The following ZFAT variants were observed in gnomAD, a reference collection of about 807,000 sequenced individuals.
The protein encoded by ZFAT is zinc finger protein ZFAT.
ZFAT carries 64 observed loss-of-function variants against 117.7 expected under a neutral mutation model. The ratio of observed to expected loss-of-function variants is 0.54; its 90% CI spans 0.44 to 0.67. ZFAT has a LOEUF of 0.67. ZFAT is among the 30% of genes least tolerant of loss of function. ZFAT has a pLI of 0.00. For missense variants in ZFAT, 1,433 were observed against 1,584.5 expected (o/e 0.90, Z 1.62); for synonymous variants, 679 against 615.0 (o/e 1.10, Z -1.54).
Position 134,669,614 on chromosome 8 carries a change from G to T in ZFAT, c.20-11877C>A, listed in dbSNP as rs561166560. ...CCTCCTGAAGGAAGCACTAAACATA[G>T]AAAGGAACAACCGGTACCAGCCACT... On this transcript the variant is annotated intron_variant, in intron 1 of 15. Transcript: ENST00000377838. Among the ~76,000 whole-genome samples the T allele has an allele frequency of 2.8e-3, 426 of 152,258 alleles. 2 individuals are homozygous for T. The highest frequency in any genetic ancestry group is 9.8e-3 in the African/African-American group (406 of 41,542).
At chr8:134,623,172 T>A (rs1829251592) in intron 3 of ZFAT, among the ~76,000 whole-genome samples, 1 of 152,070 alleles carries the variant, frequency 6.6e-6, no homozygotes, top group Non-Finnish European at 1.5e-5. Context: ...CCGGCTCAAG[T>A]CAGCAACGAG....
the ZFAT span, among the ~76,000 whole-genome samples, chr8:134,818,207 T>C: frequency 2.6e-5 from 4 of 152,174 alleles, no homozygotes; most frequent in Non-Finnish European, 5.9e-5. Context: ...AGACAAACCA[T>C]AGACTGGAAA....
chr8:134,748,274 T>C, the ZFAT span, among the ~76,000 whole-genome samples: 1 of 152,186 alleles, frequency 6.6e-6, no homozygotes, highest in Non-Finnish European at 1.5e-5. Context: ...ATAGTAATAA[T>C]TTCCTCACTT....
chr8:134,503,931 C>T (rs1819186301), intron 15 of ZFAT, among the ~76,000 whole-genome samples: 1 of 145,178 alleles, frequency 6.9e-6, no homozygotes. Context: ...CACACACACA[C>T]ACGCACACGC....
At chr8:134,499,419 CA>C (rs1455509646) in intron 15 of ZFAT, among the ~76,000 whole-genome samples, 1 of 148,788 alleles carries the variant, frequency 6.7e-6, no homozygotes, top group Non-Finnish European at 1.5e-5. Context: ...GCTGGTTACA[CA>C]CAGAGCGTGA....
chr8:134,484,411 C>T (rs1163893704), intron 15 of ZFAT, among the ~76,000 whole-genome samples: 1 of 152,194 alleles, frequency 6.6e-6, no homozygotes, highest in Non-Finnish European at 1.5e-5. Flanking sequence ...GACTCCAGGG[C>T]CAGCTGCTGC....
intron 9 of ZFAT, among the ~76,000 whole-genome samples, chr8:134,584,820 C>T (rs1430308662): frequency 6.6e-6 from 1 of 152,162 alleles, no homozygotes; most frequent in African/African-American, 2.4e-5. Context: ...GGGAACAAAC[C>T]TGCACATAGT....
rs140700137 is a variant in ZFAT, at chr8:134,610,057, G to C, written c.634+413C>G. 5.8e-4 allele frequency among the ~76,000 whole-genome samples: 89 copies of C among 152,328 alleles called. 3 individuals carry two copies. The East Asian group carries it at 0.014, about 23-fold the overall frequency. On this transcript the variant is annotated intron_variant, in intron 4 of 15. Transcript: ENST00000377838. ...ACAGATGGTGGGCAGAGTTAGCATG[G>C]GTTTTGGAGCAGCAGCCTGCATGCG... is the stretch of plus-strand genomic sequence containing the variant.
At chr8:134,575,877 G>A (rs1442936771) in intron 10 of ZFAT, among the ~76,000 whole-genome samples, 1 of 152,138 alleles carries the variant, frequency 6.6e-6, no homozygotes, top group Non-Finnish European at 1.5e-5. Context: ...GTGGCAAATC[G>A]AACAGAAATA....
At chr8:134,596,742 A>T (rs565881029) in intron 7 of ZFAT, among the ~76,000 whole-genome samples, 1 of 152,364 alleles carries the variant, frequency 6.6e-6, no homozygotes, top group South Asian at 2.1e-4. Flanking sequence ...ATTAAGTGAC[A>T]GAAATGAGTC....
Position 134,532,937 on chromosome 8 carries a change from G to A in ZFAT, c.3012C>T (p.Asn1004=). ...AGTGCCGCTTCAGAGAGCCAGATATGTTGCAGGAGTAATGGCAATGGGCAC... is the reference window on the plus strand; with the variant it reads ...AGTGCCGCTTCAGAGAGCCAGATATATTGCAGGAGTAATGGCAATGGGCAC... ...FRCAHCHYSC[N]ISGSLKRHYN... Residue 1004 remains asparagine (N), a synonymous_variant, in exon 12 of 16, where the codon AAC becomes AAT. Coordinates refer to ENST00000377838, the MANE Select transcript of ZFAT (RefSeq NM_020863.4). 1 of 1,608,432 alleles carries A rather than the reference G, an allele frequency of 6.2e-7. No individual in the cohort carries two copies. The highest frequency in any genetic ancestry group is 8.5e-7 in the Non-Finnish European group (1 of 1,177,414).
intron 2 of ZFAT, among the ~76,000 whole-genome samples, chr8:134,643,694 T>C (rs986597639): frequency 1.3e-5 from 2 of 152,212 alleles, no homozygotes; most frequent in African/African-American, 4.8e-5. Context: ...AGCCAAGCTG[T>C]GTGCTCCGGC....
At chr8:134,831,307 T>G in the ZFAT span, among the ~76,000 whole-genome samples, 3 of 152,256 alleles carry the variant, frequency 2.0e-5, no homozygotes, top group Non-Finnish European at 4.4e-5. Context: ...ATTTCCTGCA[T>G]GCACAAGTGA....
chr8:134,760,285 A>AAG, the ZFAT span, among the ~76,000 whole-genome samples: 1 of 138,388 alleles, frequency 7.2e-6, no homozygotes, highest in African/African-American at 2.5e-5. Flanking sequence ...AAAAAAAAAA[A>AAG]AAACAAACAA....
At chr8:134,498,142 C>T (rs80007126) in intron 15 of ZFAT, among the ~76,000 whole-genome samples, 59 of 12,486 alleles carry the variant, frequency 4.7e-3, no homozygotes, top group African/African-American at 8.9e-3. Flanking sequence ...TTTGGTAGGG[C>T]TGGGGTGGAG....
chr8:134,825,991 A>C, the ZFAT span, among the ~76,000 whole-genome samples: 2 of 151,332 alleles, frequency 1.3e-5, no homozygotes, highest in African/African-American at 4.9e-5. Context: ...ACTGCACTCC[A>C]GCCTGGGCGA....
chr8:134,629,018 T>C (rs774420209), intron 3 of ZFAT, among the ~76,000 whole-genome samples: 23 of 152,228 alleles, frequency 1.5e-4, no homozygotes, highest in African/African-American at 3.6e-4. Context: ...TTGGGGTAAA[T>C]AGGCAGACTG....
chr8:134,575,412 C>T (rs1003882063), intron 10 of ZFAT, among the ~76,000 whole-genome samples: 3 of 152,138 alleles, frequency 2.0e-5, no homozygotes, highest in African/African-American at 7.2e-5. Context: ...AGATGCTGGA[C>T]TGCTGGCTTT....
At chr8:134,517,323 C>G (rs566852319) in intron 13 of ZFAT, among the ~76,000 whole-genome samples, 1 of 152,240 alleles carries the variant, frequency 6.6e-6, no homozygotes, top group East Asian at 1.9e-4. Context: ...CAAATCTACA[C>G]AGCAGGGTAT....
Sources: allele counts gnomAD v4.1 joint callset (sites outside exome capture counted in the v4.1 genomes callset), GRCh38; gene constraint gnomAD v4.1.1; transcripts MANE v1.5; gene names NCBI Gene and HGNC (gene_info 2026-07-23, HGNC 2026-07-21).